Variants in SEMA3E observed in about 807,000 individuals in gnomAD.
SEMA3E encodes the protein semaphorin 3E.
SEMA3E carries 49 observed loss-of-function variants against 93.6 expected under a neutral mutation model. The observed-to-expected ratio is 0.52, with a 90% CI of 0.42 to 0.66. SEMA3E has a LOEUF of 0.66. SEMA3E is among the 30% of genes least tolerant of loss of function. SEMA3E has a pLI of 0.00. For synonymous variants in SEMA3E, 363 were observed against 330.7 expected (o/e 1.10, Z -1.06); for missense variants, 906 against 964.8 (o/e 0.94, Z 0.81).
intron 1 of SEMA3E, among the ~76,000 whole-genome samples, chr7:83,493,866 C>T (rs765257810): frequency 2.6e-5 from 4 of 151,880 alleles, no homozygotes; most frequent in Admixed American, 2.0e-4. Context: ...AATTTTGTAA[C>T]ATCCTTGACT....
Position 83,499,934 on chromosome 7 carries a change from G to A in SEMA3E, c.116-9660C>T, listed in dbSNP as rs542215305. 5.3e-5 allele frequency among the ~76,000 whole-genome samples: 8 copies of A among 152,264 alleles called. No individual in the cohort carries two copies. In the South Asian group the frequency reaches 1.7e-3, roughly 32 times the overall value. ...AATTTGGACATCAACAAAGTCCTAT[G>A]CACTCCTATTCAACTGGCGAATTAT... On this transcript the variant is annotated intron_variant, in intron 1 of 16. Coordinates refer to ENST00000643230, the MANE Select transcript of SEMA3E (RefSeq NM_012431.3).
At chr7:83,538,738 T>C (rs1215593186) in intron 1 of SEMA3E, among the ~76,000 whole-genome samples, 1 of 152,248 alleles carries the variant, frequency 6.6e-6, no homozygotes, top group Non-Finnish European at 1.5e-5. Context: ...ATCTTTGTAC[T>C]TCTCACAACT....
rs1794622337 is a variant in SEMA3E at position 83,363,860 on chromosome 7, A to ATTTTTTTTCTTTTTTTTTTTTC, written c.*3725_*3726insGAAAAAAAAAAAAGAAAAAAAA. On this transcript the variant is annotated 3_prime_UTR_variant, in exon 17 of 17. Coordinates refer to ENST00000643230, the MANE Select transcript of SEMA3E (RefSeq NM_012431.3). Reference sequence around the variant, plus strand: ...GGCTACAGGTGTCACAGGTCAATTCATTTTTTTTTTTTTTTTTTTTTTTTT... The same window carrying ATTTTTTTTCTTTTTTTTTTTTC: ...GGCTACAGGTGTCACAGGTCAATTCATTTTTTTTCTTTTTTTTTTTTCTTTTTTTTTTTTTTTTTTTTTTTTT... The ATTTTTTTTCTTTTTTTTTTTTC allele has an allele frequency of 1.0e-4, 8 of 76,968 alleles. 1 individual carries two copies. The highest frequency in any genetic ancestry group is 4.0e-4 in the African/African-American group (8 of 20,112). The allele number at this position is 76,968 out of a possible 1,614,324, so 4.8% of individuals were successfully genotyped here.
At position 83,553,154 on chromosome 7, in the gene SEMA3E, G is replaced by A. The variant is rs553152582; in HGVS notation, c.116-62880C>T. On this transcript the variant is annotated intron_variant, in intron 1 of 16. Coordinates refer to ENST00000643230, the MANE Select transcript of SEMA3E (RefSeq NM_012431.3). ...TGATGTCACCCCTGGCGGCCCATCG[G>A]TAAAATTCCTCTCTTTATACTGTCT... Among the ~76,000 whole-genome samples, 7 of 152,238 alleles carry A rather than the reference G, an allele frequency of 4.6e-5. No individual in the cohort carries two copies. In the South Asian group the frequency reaches 1.2e-3, roughly 27 times the overall value.
chr7:83,516,775 C>T (rs532294724), intron 1 of SEMA3E, among the ~76,000 whole-genome samples: 1 of 150,880 alleles, frequency 6.6e-6, no homozygotes, highest in Middle Eastern at 3.4e-3. Context: ...TTTTCTTCTT[C>T]CCCTGCTACG....
chr7:83,576,320 T>C (rs1792401577), intron 1 of SEMA3E, among the ~76,000 whole-genome samples: 1 of 152,092 alleles, frequency 6.6e-6, no homozygotes, highest in Non-Finnish European at 1.5e-5. Context: ...ATTTCAAACA[T>C]GTAAATATTG....
At chr7:83,478,072 C>T (rs977205471) in intron 2 of SEMA3E, among the ~76,000 whole-genome samples, 3 of 152,064 alleles carry the variant, frequency 2.0e-5, no homozygotes, top group African/African-American at 7.2e-5. Flanking sequence ...AGGCACCTGC[C>T]ACCACGCCCT....
At chr7:83,529,522 T>C (rs1025424508) in intron 1 of SEMA3E, among the ~76,000 whole-genome samples, 1 of 152,202 alleles carries the variant, frequency 6.6e-6, no homozygotes, top group Non-Finnish European at 1.5e-5. Flanking sequence ...CCAAAAAATT[T>C]ACAAACATTT....
intron 2 of SEMA3E, among the ~76,000 whole-genome samples, chr7:83,486,822 T>C (rs1184956221): frequency 6.6e-6 from 1 of 152,086 alleles, no homozygotes; most frequent in East Asian, 1.9e-4. Context: ...ATTTTGAAAT[T>C]TTTAAAGTTT....
At chr7:83,475,806 G>A (rs1789997704) in intron 2 of SEMA3E, among the ~76,000 whole-genome samples, 1 of 152,166 alleles carries the variant, frequency 6.6e-6, no homozygotes, top group East Asian at 1.9e-4. Flanking sequence ...TTATGTGATG[G>A]TGAAGACAAT....
chr7:83,524,633 A>G (rs1250926696), intron 1 of SEMA3E, among the ~76,000 whole-genome samples: 3 of 152,158 alleles, frequency 2.0e-5, no homozygotes, highest in African/African-American at 7.2e-5. Flanking sequence ...AAAAAAAGTT[A>G]TACATGATAT....
chr7:83,372,372 C>T, intron 16 of SEMA3E: 1 of 396,972 alleles, frequency 2.5e-6, no homozygotes, highest in Non-Finnish European at 4.4e-6. Flanking sequence ...GTGAATAATA[C>T]ATGAGAAAAT....
intron 4 of SEMA3E, among the ~76,000 whole-genome samples, chr7:83,422,644 G>A (rs1228973868): frequency 6.6e-6 from 1 of 152,110 alleles, no homozygotes; most frequent in Non-Finnish European, 1.5e-5. Context: ...AGTGATACTA[G>A]GCTGCTTTCA....
At chr7:83,397,091 A>G (rs1788137967) in intron 11 of SEMA3E, among the ~76,000 whole-genome samples, 1 of 152,022 alleles carries the variant, frequency 6.6e-6, no homozygotes, top group Admixed American at 6.6e-5. Context: ...GAAAAAAAAA[A>G]AAAAGTAGCG....
At chr7:83,523,734 A>T (rs1204267506) in intron 1 of SEMA3E, among the ~76,000 whole-genome samples, 2 of 151,790 alleles carry the variant, frequency 1.3e-5, no homozygotes, top group Non-Finnish European at 2.9e-5. Flanking sequence ...CTATCTATGT[A>T]TTTTCCTTTG....
intron 1 of SEMA3E, among the ~76,000 whole-genome samples, chr7:83,548,360 T>C (rs924082716): frequency 1.3e-5 from 2 of 152,092 alleles, no homozygotes; most frequent in African/African-American, 4.8e-5. Flanking sequence ...GATTTACTAC[T>C]TCCCCAGGGC....
chr7:83,503,945 T>A (rs924826998), intron 1 of SEMA3E, among the ~76,000 whole-genome samples: 3 of 152,220 alleles, frequency 2.0e-5, no homozygotes, highest in African/African-American at 7.2e-5. Context: ...CACAGCAAAA[T>A]AGCCTCTACA....
In SEMA3E at chr7:83,386,063, CTCTT is replaced by C. The variant is rs1269739955; in HGVS notation, c.1736-634_1736-631del. On this transcript the variant is annotated intron_variant, in intron 15 of 16. Coordinates refer to ENST00000643230, the MANE Select transcript of SEMA3E (RefSeq NM_012431.3). ...GAATAAAAGGAAGCAGGATTACTCT[CTCTT>C]TATTTTAAACTAAGACAAATTCAAT... Among the ~76,000 whole-genome samples, 4 of 152,140 alleles carry C rather than the reference CTCTT, an allele frequency of 2.6e-5. No homozygotes were observed. The South Asian group carries it at 8.3e-4, about 31-fold the overall frequency.
intron 4 of SEMA3E, among the ~76,000 whole-genome samples, chr7:83,455,056 T>A (rs1249804590): frequency 6.6e-6 from 1 of 152,204 alleles, no homozygotes; most frequent in Non-Finnish European, 1.5e-5. Flanking sequence ...TGCTGCTACT[T>A]TCTGCACTAG....
Sources: allele counts gnomAD v4.1 joint callset (sites outside exome capture counted in the v4.1 genomes callset), GRCh38; gene constraint gnomAD v4.1.1; transcripts MANE v1.5; gene names NCBI Gene and HGNC (gene_info 2026-07-23, HGNC 2026-07-21).